Variants in ELP6 observed in about 807,000 individuals in gnomAD.
The protein encoded by ELP6 is elongator acetyltransferase complex subunit 6.
In ELP6, 23 loss-of-function variants were observed where a neutral mutation model predicts 28.1. The ratio of observed to expected loss-of-function variants is 0.82; its 90% CI spans 0.59 to 1.16. The LOEUF (loss-of-function observed/expected upper bound fraction) is 1.16. Ranked by LOEUF, ELP6 falls within the 50% of genes most tolerant of loss-of-function variation. The pLI, the probability that ELP6 is intolerant of heterozygous loss-of-function variation, is 0.00. For missense variants in ELP6, 313 were observed against 334.6 expected (o/e 0.94, Z 0.50); for synonymous variants, 132 against 135.8 (o/e 0.97, Z 0.19).
intron 3 of ELP6, among the ~76,000 whole-genome samples, chr3:47,505,241 G>C (rs1708794015): frequency 6.6e-6 from 1 of 152,084 alleles, no homozygotes; most frequent in South Asian, 2.1e-4. Flanking sequence ...CCTCCAGCCT[G>C]GGTGACAAGA....
chr3:47,499,796 G>C (rs1293777305), intron 5 of ELP6: 67 of 1,087,694 alleles, frequency 6.2e-5, no homozygotes, highest in Non-Finnish European at 7.3e-5. Context: ...CTGAGTTGGG[G>C]TTCTGTCCCT....
intron 3 of ELP6, among the ~76,000 whole-genome samples, chr3:47,508,449 G>A (rs1002867684): frequency 6.6e-6 from 1 of 152,090 alleles, no homozygotes; most frequent in Non-Finnish European, 1.5e-5. Flanking sequence ...CCCCATGAGT[G>A]AGATGATCCC....
chr3:47,499,912 C>T lies in ELP6; in HGVS notation c.526-1480G>A, dbSNP rs776897460. On this transcript the variant is annotated intron_variant, in intron 5 of 6. Transcript: ENST00000296149. ...AGGCGAAGCATATGGAGGTGGAGGACGTGACCCTCAACCGTCGTGCCTGCA... is the reference window on the plus strand; with the variant it reads ...AGGCGAAGCATATGGAGGTGGAGGATGTGACCCTCAACCGTCGTGCCTGCA... 71 of 1,325,692 alleles carry T rather than the reference C, an allele frequency of 5.4e-5. No homozygotes were observed. The Middle Eastern group carries it at 1.6e-3, about 30-fold the overall frequency. The allele number at this position is 1,325,692 out of a possible 1,614,324, so 82.1% of individuals were successfully genotyped here.
Position 47,504,356 on chromosome 3 carries a change from CT to C in ELP6, c.296del (p.Lys99ArgfsTer17). 6.2e-7 allele frequency: 1 copy of C among 1,610,460 alleles called. No homozygotes were observed. Among genetic ancestry groups the C allele is most frequent in the South Asian group, 1.1e-5 (1 of 90,358 alleles). On this transcript the variant is annotated frameshift_variant, in exon 4 of 7. Coordinates refer to ENST00000296149, the MANE Select transcript of ELP6 (RefSeq NM_001031703.3). LOFTEE classifies it high-confidence loss of function. The part of the protein sequence containing the change: ...SAVDVVFQAQ[K>X]EPHPLQFLRE... ...TGAGAAACTGCAGGGGGTGTGGCTCCTTTTGAGCCTGGAAGACGACGTCCAC... is the reference window on the plus strand; with the variant it reads ...TGAGAAACTGCAGGGGGTGTGGCTCCTTTGAGCCTGGAAGACGACGTCCAC...
At chr3:47,496,873 C>T (rs1708494632) in intron 6 of ELP6, 1 of 985,346 alleles carries the variant, frequency 1.0e-6, no homozygotes, top group Non-Finnish European at 1.2e-6. Flanking sequence ...TTTGTACATT[C>T]ACTACAGAGG....
intron 6 of ELP6, chr3:47,497,462 G>A (rs1708511558): frequency 1.9e-5 from 8 of 421,278 alleles, no homozygotes; most frequent in Admixed American, 6.5e-5. Flanking sequence ...TCAGCCTCCC[G>A]AGTAGCTGGG....
At chr3:47,504,522 G>T in intron 3 of ELP6, 74 bp from the exon 4 acceptor site, 1 of 1,481,774 alleles carries the variant, frequency 6.7e-7, no homozygotes. Flanking sequence ...GCTTGCAAGA[G>T]GGCATAAGAC....
At position 47,496,464 on chromosome 3, in the gene ELP6, T is replaced by C. The variant is rs1708483377; in HGVS notation, c.673-267A>G. 5 of 984,816 alleles carry C rather than the reference T, an allele frequency of 5.1e-6. No homozygotes were observed. The African/African-American group carries it at 5.2e-5, about 10-fold the overall frequency. 61.0% of individuals were successfully genotyped at this position (984,816 alleles called of 1,614,324 possible). A position where few individuals can be genotyped will look rare whatever the true frequency, so the allele number is the denominator to read the frequency against. ...AAAAAGGAAACAGAAGGAAAAAGTC[T>C]TTCAGAGGAAGACCCTTAAAGTATT... On this transcript the variant is annotated intron_variant, in intron 6 of 6. Transcript: ENST00000296149.
intron 4 of ELP6, 174 bp downstream of exon 4, chr3:47,504,156 A>G: frequency 2.6e-6 from 2 of 758,332 alleles, no homozygotes; most frequent in Non-Finnish European, 4.1e-6. Context: ...GTCCACCCTC[A>G]GCCCCATGAT....
At chr3:47,513,460 G>C in intron 1 of ELP6, 77 bp downstream of exon 1, 3 of 1,572,688 alleles carry the variant, frequency 1.9e-6, no homozygotes, top group Middle Eastern at 1.7e-4. Flanking sequence ...CCCCGGGGTC[G>C]TGCGCACCGC....
chr3:47,502,503 CA>C, intron 4 of ELP6: 4 of 983,830 alleles, frequency 4.1e-6, no homozygotes, highest in Non-Finnish European at 4.8e-6. Flanking sequence ...TTGGATTGGG[CA>C]GGCGGAAACC....
At chr3:47,509,182 C>T (rs1708938185) in intron 3 of ELP6, among the ~76,000 whole-genome samples, 1 of 151,844 alleles carries the variant, frequency 6.6e-6, no homozygotes, top group Admixed American at 6.6e-5. Context: ...GGCTGGTCTC[C>T]AACTCCTGAC....
chr3:47,511,610 G>C (rs940200071), intron 1 of ELP6: 4 of 625,750 alleles, frequency 6.4e-6, no homozygotes, highest in African/African-American at 2.0e-5. Flanking sequence ...GCTAGGACTG[G>C]AAGAGGCCTT....
In ELP6 at chr3:47,498,317, GC is replaced by G; in HGVS notation, c.640del (p.Ala214ProfsTer12). The G allele has an allele frequency of 6.2e-7, 1 of 1,613,600 alleles. No homozygotes were observed. Among genetic ancestry groups the G allele is most frequent in the Non-Finnish European group, 8.5e-7 (1 of 1,180,040 alleles). On this transcript the variant is annotated frameshift_variant, in exon 6 of 7. Coordinates refer to ENST00000296149, the MANE Select transcript of ELP6 (RefSeq NM_001031703.3). LOFTEE classifies it high-confidence loss of function. ...SHLILRAEGL[A>X]TGFCRDVHGQ... ...GTGCACATCCCTGCAGAAGCCAGTG[GC>G]CAGGCCCTCAGCCCGCAGTATCAGA...
intron 3 of ELP6, among the ~76,000 whole-genome samples, chr3:47,509,447 A>G (rs1708947786): frequency 6.6e-6 from 1 of 152,218 alleles, no homozygotes; most frequent in Non-Finnish European, 1.5e-5. Flanking sequence ...TGGCCATCTT[A>G]TTCTTGCCTG....
intron 2 of ELP6, 40 bp downstream of exon 2, chr3:47,511,108 A>C (rs1481132669): frequency 6.4e-7 from 1 of 1,557,298 alleles, no homozygotes; most frequent in Non-Finnish European, 8.8e-7. Context: ...TTCTGCACCC[A>C]TCTTGGGTTT....
At position 47,501,701 on chromosome 3, in the gene ELP6, A is replaced by G. The variant is rs1708657886; in HGVS notation, c.474T>C (p.Ala158=). ...TGCAGTAGTGAATGAAGTCTAGCAC[A>G]GCCACCGCCCCCATGCCCAGGCTCA... The part of the protein sequence containing the change: ...VLLSLGMGAV[A]VLDFIHYCRA... Residue 158 remains alanine (A), a synonymous_variant, in exon 5 of 7, where the codon GCT becomes GCC. Transcript: ENST00000296149. 2 of 1,614,066 alleles carry G rather than the reference A, an allele frequency of 1.2e-6. No homozygotes were observed. Among genetic ancestry groups the G allele is most frequent in the Non-Finnish European group, 1.7e-6 (2 of 1,179,994 alleles).
intron 3 of ELP6, among the ~76,000 whole-genome samples, chr3:47,506,378 C>T (rs1003786847): frequency 2.6e-5 from 4 of 151,738 alleles, no homozygotes; most frequent in East Asian, 1.9e-4. Flanking sequence ...ATTTATTAGG[C>T]GGGAATTTCC....
intron 4 of ELP6, 45 bp from the exon 5 acceptor site, chr3:47,501,896 G>T: frequency 6.4e-7 from 1 of 1,569,334 alleles, no homozygotes; most frequent in Non-Finnish European, 8.7e-7. Flanking sequence ...TCTCTCTACA[G>T]ATGTTTATCA....
Sources: gnomAD v4.1 joint callset for allele counts (sites outside exome capture counted in the v4.1 genomes callset) on GRCh38, gnomAD v4.1.1 for gene constraint, MANE v1.5 for transcripts, NCBI Gene and HGNC (gene_info 2026-07-23, HGNC 2026-07-21) for gene names.